SYT6: variants seen among roughly 807,000 people sequenced by gnomAD.
The protein encoded by SYT6 is synaptotagmin-6.
In SYT6, 24 loss-of-function variants were observed where a neutral mutation model predicts 38.4. The ratio of observed to expected loss-of-function variants is 0.62; its 90% CI spans 0.45 to 0.88. The LOEUF (loss-of-function observed/expected upper bound fraction) is 0.88, where lower values mean the gene tolerates loss of function less well. Ranked by LOEUF, SYT6 falls within the 40% of genes least tolerant of loss-of-function variation. The pLI, the probability that SYT6 is intolerant of heterozygous loss-of-function variation, is 0.00. For synonymous variants in SYT6, 265 were observed against 241.9 expected, an observed-to-expected ratio of 1.10 and a Z score of -0.89; for missense variants, 611 against 621.0, an observed-to-expected ratio of 0.98 and a Z score of 0.17.
At chr1:114,109,770 G>A (rs114364827) in intron 3 of SYT6, among the ~76,000 whole-genome samples, 501 of 152,346 alleles carry the variant, frequency 3.3e-3, no homozygotes, top group African/African-American at 0.011. Context: ...CAAGACGTGG[G>A]CATGCAGAGC....
In SYT6 at chr1:114,090,372, GT is replaced by G. The variant is rs1465740457; in HGVS notation, c.*1761del. ...AGGCTCAGTACAGGGTGGAGTTTAG[GT>G]TTATCTACATTTACTTTTCTAAGCA... On this transcript the variant is annotated 3_prime_UTR_variant, in exon 8 of 8. Coordinates refer to ENST00000610222, the MANE Select transcript of SYT6 (RefSeq NM_001253772.2). 6.6e-6 allele frequency: 1 copy of G among 152,336 alleles called. No individual in the cohort carries two copies. The highest frequency in any genetic ancestry group is 1.9e-4 in the East Asian group (1 of 5,338). 9.4% of individuals were successfully genotyped at this position (152,336 alleles called of 1,614,324 possible). A position where few individuals can be genotyped will look rare whatever the true frequency, so the allele number is the denominator to read the frequency against.
At chr1:114,101,284 C>T (rs1389917319) in intron 4 of SYT6, among the ~76,000 whole-genome samples, 2 of 152,160 alleles carry the variant, frequency 1.3e-5, no homozygotes. Flanking sequence ...TGACCGTTCC[C>T]TAGGCTTTTC....
At chr1:114,122,787 C>T (rs554214657) in intron 3 of SYT6, among the ~76,000 whole-genome samples, 1 of 152,294 alleles carries the variant, frequency 6.6e-6, no homozygotes, top group South Asian at 2.1e-4. Flanking sequence ...GTTACAAAGG[C>T]CTTCACTGCC....
At chr1:114,117,206 T>C (rs1677047112) in intron 3 of SYT6, among the ~76,000 whole-genome samples, 1 of 152,242 alleles carries the variant, frequency 6.6e-6, no homozygotes, top group Admixed American at 6.5e-5. Flanking sequence ...AGTATTGTCA[T>C]GCTTGAGGTG....
intron 4 of SYT6, among the ~76,000 whole-genome samples, chr1:114,101,680 A>G (rs1675978519): frequency 6.6e-6 from 1 of 152,154 alleles, no homozygotes; most frequent in Non-Finnish European, 1.5e-5. Context: ...CCAACATCGA[A>G]TAAGTCTGGG....
intron 3 of SYT6, among the ~76,000 whole-genome samples, chr1:114,109,624 TG>T (rs1676550753): frequency 1.3e-5 from 2 of 152,176 alleles, no homozygotes; most frequent in Non-Finnish European, 2.9e-5. Flanking sequence ...ACAGAGTAGG[TG>T]CTTAGTAAGT....
At position 114,103,671 on chromosome 1, in the gene SYT6, A is replaced by C. The variant is rs34039948; in HGVS notation, c.1122T>G (p.Thr374=). ...EIMFSLCYLP[T]AGRLTLTVIK... is the part of the protein sequence containing the mutation. ...TCACTGTGAGGGTGAGCCTGCCTGC[A>C]GTGGGCAGGTAGCAAAGGGAGAACA... The change falls in exon 4 of 8, where the codon ACT becomes ACG. Residue 374 remains threonine (T), a synonymous_variant. Coordinates refer to ENST00000610222, the MANE Select transcript of SYT6 (RefSeq NM_001253772.2). 1 of 1,614,166 alleles carries C rather than the reference A, an allele frequency of 6.2e-7. No individual in the cohort carries two copies. The highest frequency in any genetic ancestry group is 1.1e-5 in the South Asian group (1 of 91,082).
Position 114,089,330 on chromosome 1 carries a change from G to A in SYT6, c.*2804C>T, listed in dbSNP as rs1675163841. On this transcript the variant is annotated 3_prime_UTR_variant, in exon 8 of 8. Coordinates refer to ENST00000610222, the MANE Select transcript of SYT6 (RefSeq NM_001253772.2). The stretch of plus-strand genomic sequence containing the variant: ...GAGATTTAATTGAATAAAAACTCCA[G>A]GCTGTGACACGGGTGGGAAGACACA... 6.5e-6 allele frequency: 1 copy of A among 152,742 alleles called. No individual in the cohort carries two copies. The highest frequency in any genetic ancestry group is 2.1e-4 in the South Asian group (1 of 4,832). The allele number at this position is 152,742 out of a possible 1,614,324, so 9.5% of individuals were successfully genotyped here. A position where few individuals can be genotyped will look rare whatever the true frequency, so the allele number is the denominator to read the frequency against.
intron 3 of SYT6, among the ~76,000 whole-genome samples, chr1:114,113,711 G>A (rs191686930): frequency 1.2e-3 from 182 of 152,154 alleles, no homozygotes; most frequent in African/African-American, 4.0e-3. Context: ...GTGCCACACG[G>A]AGGCCAAAGC....
At chr1:114,131,453 T>C (rs1385039528) in intron 3 of SYT6, among the ~76,000 whole-genome samples, 2 of 152,234 alleles carry the variant, frequency 1.3e-5, no homozygotes, top group East Asian at 3.8e-4. Context: ...CATCTGACTC[T>C]GATTTCTTTT....
intron 3 of SYT6, among the ~76,000 whole-genome samples, chr1:114,129,090 C>A (rs1174151182): frequency 6.6e-6 from 1 of 152,186 alleles, no homozygotes; most frequent in Non-Finnish European, 1.5e-5. Flanking sequence ...TGGGTTCTTC[C>A]TCCAAGATTT....
chr1:114,139,413 A>T (rs568653279), intron 2 of SYT6, among the ~76,000 whole-genome samples: 27 of 152,132 alleles, frequency 1.8e-4, no homozygotes, highest in Non-Finnish European at 1.8e-4. Context: ...CCCGCCTCAA[A>T]GGTTTCCCTT....
chr1:114,123,206 C>A (rs1213032669), intron 3 of SYT6, among the ~76,000 whole-genome samples: 1 of 152,166 alleles, frequency 6.6e-6, no homozygotes, highest in Non-Finnish European at 1.5e-5. Flanking sequence ...GCAGGTGCCT[C>A]AAGTCACAAA....
At chr1:114,143,532 A>T (rs138977879) in intron 1 of SYT6, among the ~76,000 whole-genome samples, 1 of 144,822 alleles carries the variant, frequency 6.9e-6, no homozygotes, top group Non-Finnish European at 1.5e-5. Context: ...GTATATATAC[A>T]TATAAGTTAT....
intron 3 of SYT6, among the ~76,000 whole-genome samples, chr1:114,114,889 G>A (rs550586770): frequency 3.5e-4 from 53 of 152,284 alleles, no homozygotes; most frequent in African/African-American, 1.2e-3. Flanking sequence ...CTGAAGGATC[G>A]AAGCCATGTG....
At chr1:114,092,311 ACTCT>A (rs35257020) in intron 7 of SYT6, among the ~76,000 whole-genome samples, 44,044 of 133,120 alleles carry the variant, frequency 0.33, 6,736 homozygotes, top group East Asian at 0.45. Context: ...AGCTTTCTTA[ACTCT>A]CTCTCTCTCT....
chr1:114,135,372 C>G (rs1378827314), intron 3 of SYT6, among the ~76,000 whole-genome samples: 1 of 152,296 alleles, frequency 6.6e-6, no homozygotes, highest in East Asian at 1.9e-4. Flanking sequence ...ACTGCATGGA[C>G]TTTTCCTGTC....
chr1:114,151,300 C>T (rs1397969856), intron 1 of SYT6, among the ~76,000 whole-genome samples: 1 of 152,156 alleles, frequency 6.6e-6, no homozygotes, highest in African/African-American at 2.4e-5. Flanking sequence ...CCTGGGCTTC[C>T]TGGGACTTGT....
At chr1:114,104,514 C>T (rs192109074) in intron 3 of SYT6, among the ~76,000 whole-genome samples, 18 of 152,258 alleles carry the variant, frequency 1.2e-4, no homozygotes, top group Non-Finnish European at 1.3e-4. Context: ...TTGCTTCCTC[C>T]ATTTGATGAA....
Sources: allele counts gnomAD v4.1 joint callset (sites outside exome capture counted in the v4.1 genomes callset), GRCh38; gene constraint gnomAD v4.1.1; transcripts MANE v1.5; gene names NCBI Gene and HGNC (gene_info 2026-07-23, HGNC 2026-07-21).